Variants in MAGI2 observed in about 807,000 individuals in gnomAD.
MAGI2 encodes the protein membrane associated guanylate kinase, WW and PDZ domain containing 2, also known as membrane-associated guanylate kinase, WW and PDZ domain-containing protein 2.
Under a neutral mutation model 133.3 loss-of-function variants are expected in MAGI2, and 35 were observed. That is an observed-to-expected ratio of 0.26 (90% CI 0.20 to 0.35). The LOEUF is 0.35. Ranked by LOEUF, MAGI2 falls within the 10% of genes least tolerant of loss-of-function variation. The pLI, the probability that MAGI2 is intolerant of heterozygous loss-of-function variation, is 1.00. For synonymous variants in MAGI2, 729 were observed against 710.6 expected, an observed-to-expected ratio of 1.03 and a Z score of -0.41; for missense variants, 1,636 against 1,863.4, an observed-to-expected ratio of 0.88 and a Z score of 2.25.
intron 7 of MAGI2, among the ~76,000 whole-genome samples, chr7:78,354,357 A>G (rs1299407123): frequency 6.6e-6 from 1 of 152,224 alleles, no homozygotes; most frequent in Non-Finnish European, 1.5e-5. Context: ...TGGTAAGCAT[A>G]CACAGCCATG....
At chr7:78,755,423 A>T (rs528872232) in intron 2 of MAGI2, among the ~76,000 whole-genome samples, 43 of 152,284 alleles carry the variant, frequency 2.8e-4, no homozygotes, top group African/African-American at 4.1e-4. Flanking sequence ...TTCTATGAAA[A>T]TTTTTTTGAT....
chr7:78,500,874 G>A (rs1250700554), intron 5 of MAGI2, among the ~76,000 whole-genome samples: 1 of 152,132 alleles, frequency 6.6e-6, no homozygotes, highest in Admixed American at 6.5e-5. Context: ...AATCACCTGA[G>A]CCCAGGAGTT....
intron 12 of MAGI2, among the ~76,000 whole-genome samples, chr7:78,189,094 A>G (rs1467718122): frequency 6.6e-6 from 1 of 152,200 alleles, no homozygotes; most frequent in Non-Finnish European, 1.5e-5. Flanking sequence ...GCTCACTAAT[A>G]ACAAGGAAAG....
chr7:79,347,015 T>C (rs894323506), intron 1 of MAGI2, among the ~76,000 whole-genome samples: 1 of 151,986 alleles, frequency 6.6e-6, no homozygotes, highest in African/African-American at 2.4e-5. Context: ...GGAAATGTTG[T>C]CATTTCTTTA....
At chr7:78,368,734 G>GA (rs952738274) in intron 7 of MAGI2, among the ~76,000 whole-genome samples, 3 of 151,568 alleles carry the variant, frequency 2.0e-5, no homozygotes, top group African/African-American at 4.8e-5. Context: ...TCCCAAAAAA[G>GA]AAAAAAAATC....
intron 3 of MAGI2, among the ~76,000 whole-genome samples, chr7:78,590,305 C>T (rs752958851): frequency 6.6e-6 from 1 of 152,112 alleles, no homozygotes; most frequent in Non-Finnish European, 1.5e-5. Context: ...TTCTTGTGAC[C>T]TCTGGTGTGG....
chr7:78,520,551 A>C (rs1305485209), intron 4 of MAGI2, among the ~76,000 whole-genome samples: 3 of 152,158 alleles, frequency 2.0e-5, no homozygotes, highest in Non-Finnish European at 4.4e-5. Context: ...AGATTTTTTT[A>C]ATGCCCACTG....
intron 10 of MAGI2, among the ~76,000 whole-genome samples, chr7:78,232,629 G>A (rs1458100060): frequency 6.6e-6 from 1 of 152,112 alleles, no homozygotes; most frequent in African/African-American, 2.4e-5. Context: ...GGATTTTCCT[G>A]AGAAATTCTG....
At chr7:79,037,431 C>T (rs935139201) in intron 1 of MAGI2, among the ~76,000 whole-genome samples, 2 of 152,014 alleles carry the variant, frequency 1.3e-5, no homozygotes, top group South Asian at 4.2e-4. Flanking sequence ...TGGAACTTGA[C>T]CAGGGCTAAC....
intron 1 of MAGI2, among the ~76,000 whole-genome samples, chr7:79,367,922 T>C (rs1476865824): frequency 2.1e-5 from 3 of 143,408 alleles, no homozygotes; most frequent in African/African-American, 5.3e-5. Flanking sequence ...CTACTTCAGA[T>C]AACAAGGGCT....
intron 1 of MAGI2, among the ~76,000 whole-genome samples, chr7:79,040,545 T>C (rs1233641568): frequency 2.0e-5 from 3 of 152,138 alleles, no homozygotes; most frequent in Non-Finnish European, 4.4e-5. Flanking sequence ...GGTGTTGATA[T>C]AGTTTGGTTC....
chr7:78,810,615 A>G (rs1004752832), intron 2 of MAGI2, among the ~76,000 whole-genome samples: 5 of 152,122 alleles, frequency 3.3e-5, no homozygotes, highest in Non-Finnish European at 7.4e-5. Context: ...TTTTGCAAAC[A>G]TCAAAATGGT....
intron 7 of MAGI2, among the ~76,000 whole-genome samples, chr7:78,349,334 C>T (rs1791245839): frequency 6.6e-6 from 1 of 152,136 alleles, no homozygotes; most frequent in Non-Finnish European, 1.5e-5. Flanking sequence ...CAAGAAACAG[C>T]TTTGAAATGT....
intron 2 of MAGI2, among the ~76,000 whole-genome samples, chr7:78,728,320 C>A (rs564251423): frequency 3.3e-5 from 5 of 151,880 alleles, no homozygotes; most frequent in Admixed American, 1.3e-4. Context: ...AGGTATTCAC[C>A]CTTTCATTAA....
At chr7:79,394,725 G>T (rs1844914465) in intron 1 of MAGI2, among the ~76,000 whole-genome samples, 2 of 152,086 alleles carry the variant, frequency 1.3e-5, no homozygotes, top group African/African-American at 4.8e-5. Flanking sequence ...GAAATAGACT[G>T]CTTAAAATGA....
In MAGI2 at chr7:78,243,192, G is replaced by A. The variant is rs985626849; in HGVS notation, c.2047+12751C>T. ...AAAATATTTGGGGGTAAAGGAACAT[G>A]ATATATGCAACCTACCCTCAAATGG... On this transcript the variant is annotated intron_variant, in intron 10 of 21. Transcript: ENST00000354212. 2.0e-5 allele frequency among the ~76,000 whole-genome samples: 3 copies of A among 149,872 alleles called. No homozygotes were observed. The South Asian group carries it at 6.4e-4, about 32-fold the overall frequency.
intron 1 of MAGI2, among the ~76,000 whole-genome samples, chr7:79,158,897 T>C (rs912245045): frequency 6.6e-6 from 1 of 152,044 alleles, no homozygotes; most frequent in Admixed American, 6.6e-5. Flanking sequence ...TTAAAAGTTA[T>C]AGGAAAATAT....
intron 1 of MAGI2, among the ~76,000 whole-genome samples, chr7:79,429,142 C>T (rs973236118): frequency 9.2e-5 from 14 of 152,018 alleles, no homozygotes; most frequent in African/African-American, 3.4e-4. Flanking sequence ...ACTTCTCCAC[C>T]TTTTATTAAA....
intron 1 of MAGI2, among the ~76,000 whole-genome samples, chr7:79,279,108 T>C (rs1334197921): frequency 6.6e-6 from 1 of 152,170 alleles, no homozygotes; most frequent in Non-Finnish European, 1.5e-5. Flanking sequence ...CCATCTCCTC[T>C]GGAAAGTGTG....
Sources: gnomAD v4.1 joint callset for allele counts (sites outside exome capture counted in the v4.1 genomes callset) on GRCh38, gnomAD v4.1.1 for gene constraint, MANE v1.5 for transcripts, NCBI Gene and HGNC (gene_info 2026-07-23, HGNC 2026-07-21) for gene names.